SLC16A7: variants seen among roughly 807,000 people sequenced by gnomAD.
SLC16A7 encodes monocarboxylate transporter 2.
Under a neutral mutation model 34.9 loss-of-function variants are expected in SLC16A7, and 33 were observed. That is an observed-to-expected ratio of 0.94 (90% CI 0.72 to 1.26). SLC16A7 has a LOEUF of 1.26. SLC16A7 is among the 50% of genes most tolerant of loss of function. The probability of loss-of-function intolerance (pLI) is 0.00; values close to 1 mark genes in which losing one functional copy is unlikely to be tolerated. For missense variants in SLC16A7, 573 were observed against 578.1 expected (o/e 0.99, Z 0.09); for synonymous variants, 201 against 206.6 (o/e 0.97, Z 0.23).
rs546222716 is a variant in SLC16A7 at position 59,785,069 on chromosome 12, C to T, written c.*5390C>T. 2.0e-5 allele frequency: 3 copies of T among 152,258 alleles called. No homozygotes were observed. The highest frequency in any genetic ancestry group is 4.1e-4 in the South Asian group (2 of 4,822). The allele number at this position is 152,258 out of a possible 1,614,324, so 9.4% of individuals were successfully genotyped here. A position where few individuals can be genotyped will look rare whatever the true frequency, so the allele number is the denominator to read the frequency against. ...TCTCTTTAAGATTTTGATTTCTGCACAACCATATGCAGAACTCATGTTTGA... is the reference window on the plus strand; with the variant it reads ...TCTCTTTAAGATTTTGATTTCTGCATAACCATATGCAGAACTCATGTTTGA... On this transcript the variant is annotated 3_prime_UTR_variant, in exon 6 of 6. Coordinates refer to ENST00000547379, the MANE Select transcript of SLC16A7 (RefSeq NM_001270623.2).
At chr12:59,653,076 T>A (rs971209745) in intron 1 of SLC16A7, among the ~76,000 whole-genome samples, 1 of 151,916 alleles carries the variant, frequency 6.6e-6, no homozygotes, top group African/African-American at 2.4e-5. Flanking sequence ...CATATAACTT[T>A]TAAGGTTTGC....
chr12:59,742,132 G>C (rs1169644675), intron 3 of SLC16A7, among the ~76,000 whole-genome samples: 2 of 152,134 alleles, frequency 1.3e-5, no homozygotes, highest in Non-Finnish European at 2.9e-5. Flanking sequence ...CTTGCTCTTG[G>C]GAAGTGAGCA....
chr12:59,623,112 A>G (rs1353725672), intron 1 of SLC16A7, among the ~76,000 whole-genome samples: 1 of 149,588 alleles, frequency 6.7e-6, no homozygotes, highest in East Asian at 2.0e-4. Context: ...GCATATGTAT[A>G]TATTTTGGGA....
chr12:59,746,553 C>G (rs781119334), intron 3 of SLC16A7, among the ~76,000 whole-genome samples: 2 of 152,142 alleles, frequency 1.3e-5, no homozygotes, highest in Non-Finnish European at 2.9e-5. Flanking sequence ...TCACATTTAA[C>G]GTTGAGCTGA....
rs140074768 is a variant in SLC16A7 at position 59,778,634 on chromosome 12, T to G, written c.1181-789T>G. On this transcript the variant is annotated intron_variant, in intron 5 of 5. Coordinates refer to ENST00000547379, the MANE Select transcript of SLC16A7 (RefSeq NM_001270623.2). The stretch of plus-strand genomic sequence containing the variant: ...ACCTTCATATTAAATGGCACCAGGC[T>G]AGATTTTAAATGGTCTCAATAATCA... Among the ~76,000 whole-genome samples, 7 of 152,260 alleles carry G rather than the reference T, an allele frequency of 4.6e-5. No individual in the cohort carries two copies. In the East Asian group the frequency reaches 1.4e-3, roughly 29 times the overall value.
At chr12:59,699,049 T>G (rs1246426063) in intron 2 of SLC16A7, among the ~76,000 whole-genome samples, 2 of 151,660 alleles carry the variant, frequency 1.3e-5, no homozygotes, top group African/African-American at 4.8e-5. Flanking sequence ...TTACATAGTT[T>G]ACTCTAGTGT....
chr12:59,755,426 T>G (rs990142064), intron 3 of SLC16A7, among the ~76,000 whole-genome samples: 1 of 152,216 alleles, frequency 6.6e-6, no homozygotes. Context: ...AGAAAATTAA[T>G]GTACAAAAAT....
chr12:59,696,985 C>T (rs1872372917), intron 2 of SLC16A7, among the ~76,000 whole-genome samples: 1 of 151,580 alleles, frequency 6.6e-6, no homozygotes, highest in South Asian at 2.1e-4. Flanking sequence ...ACAAGTAATA[C>T]AAAACAGAAA....
At chr12:59,675,273 G>A (rs1199534116) in intron 2 of SLC16A7, among the ~76,000 whole-genome samples, 1 of 152,240 alleles carries the variant, frequency 6.6e-6, no homozygotes, top group African/African-American at 2.4e-5. Flanking sequence ...AATACCCAGT[G>A]TGATGGAATT....
chr12:59,639,763 C>T (rs952678953), intron 1 of SLC16A7, among the ~76,000 whole-genome samples: 1 of 152,152 alleles, frequency 6.6e-6, no homozygotes, highest in South Asian at 2.1e-4. Flanking sequence ...CAACCATTCT[C>T]CAATTTTGTC....
chr12:59,687,485 C>T (rs1311546515), intron 2 of SLC16A7, among the ~76,000 whole-genome samples: 1 of 152,118 alleles, frequency 6.6e-6, no homozygotes, highest in Non-Finnish European at 1.5e-5. Flanking sequence ...CATAACTTGC[C>T]ATTTTTCTAA....
chr12:59,770,445 C>T (rs550577422), intron 3 of SLC16A7, among the ~76,000 whole-genome samples: 3 of 152,208 alleles, frequency 2.0e-5, no homozygotes, highest in East Asian at 1.9e-4. Context: ...CTTACTAGAA[C>T]GTGTCAACAG....
At chr12:59,603,506 T>C (rs1878787827) in intron 1 of SLC16A7, among the ~76,000 whole-genome samples, 1 of 152,194 alleles carries the variant, frequency 6.6e-6, no homozygotes, top group Non-Finnish European at 1.5e-5. Flanking sequence ...TTTCTAGCTC[T>C]AACCTCACCT....
chr12:59,735,989 G>T (rs1418460031), intron 3 of SLC16A7: 1 of 974,734 alleles, frequency 1.0e-6, no homozygotes, highest in African/African-American at 1.7e-5. Context: ...TCTACTTGAG[G>T]TAACAAGATT....
chr12:59,708,727 G>A (rs1017710816), intron 3 of SLC16A7, among the ~76,000 whole-genome samples: 10 of 150,622 alleles, frequency 6.6e-5, no homozygotes, highest in Admixed American at 3.3e-4. Flanking sequence ...GGCCTGTGAT[G>A]TCAGGACTGG....
In SLC16A7 at chr12:59,775,152, T is replaced by TATC. The variant is rs1436506449; in HGVS notation, c.858_860dup (p.Ser287dup). ...GATGAGTACTCGGCAGCTTTTCTGC[T>TATC]ATCTGTTATGGCTTTCGTTGATATG... On this transcript the variant is annotated inframe_insertion, in exon 5 of 6. Coordinates refer to ENST00000547379, the MANE Select transcript of SLC16A7 (RefSeq NM_001270623.2). 2 of 1,614,024 alleles carry TATC rather than the reference T, an allele frequency of 1.2e-6. No homozygotes were observed. The highest frequency in any genetic ancestry group is 1.3e-5 in the African/African-American group (1 of 74,936).
chr12:59,684,241 CT>C (rs1403335778), intron 2 of SLC16A7, among the ~76,000 whole-genome samples: 2 of 152,062 alleles, frequency 1.3e-5, no homozygotes, highest in Non-Finnish European at 2.9e-5. Context: ...CTAGAAAAGA[CT>C]GATAAAAATA....
At chr12:59,673,907 A>G (rs1592472313) in intron 2 of SLC16A7, among the ~76,000 whole-genome samples, 1 of 151,916 alleles carries the variant, frequency 6.6e-6, no homozygotes, top group South Asian at 2.1e-4. Flanking sequence ...GGATTTTTTT[A>G]CTCTTTCCTT....
In SLC16A7 at chr12:59,774,693, C is replaced by T; in HGVS notation, c.398C>T (p.Thr133Ile). 6.2e-7 allele frequency: 1 copy of T among 1,603,292 alleles called. No individual in the cohort carries two copies. The highest frequency in any genetic ancestry group is 8.5e-7 in the Non-Finnish European group (1 of 1,176,670). ...GCCTTCAACCTGCAACCCGCCTTAA[C>T]CATAATTGGCAAATACTTCTATAGG... is the stretch of plus-strand genomic sequence containing the variant. ...GLAFNLQPAL[T>I]IIGKYFYRKR... The change falls in exon 5 of 6, where the codon ACC (threonine) becomes ATC (isoleucine). Residue 133 changes from threonine (T) to isoleucine (I), a missense_variant. Physicochemically the swap from Thr to Ile is moderately conservative, Grantham distance 89. Transcript: ENST00000547379.
Sources: gnomAD v4.1 joint callset for allele counts (sites outside exome capture counted in the v4.1 genomes callset) on GRCh38, gnomAD v4.1.1 for gene constraint, MANE v1.5 for transcripts, NCBI Gene and HGNC (gene_info 2026-07-23, HGNC 2026-07-21) for gene names.